The following AK4 variants were observed in gnomAD, a reference collection of about 807,000 sequenced individuals.
AK4 encodes adenylate kinase 4, mitochondrial.
Under a neutral mutation model 24.6 loss-of-function variants are expected in AK4, and 13 were observed. The observed-to-expected ratio is 0.53, with a 90% CI of 0.34 to 0.84. The LOEUF (loss-of-function observed/expected upper bound fraction) is 0.84. Ranked by LOEUF, AK4 falls within the 40% of genes least tolerant of loss-of-function variation. AK4 has a pLI of 0.01. For synonymous variants in AK4, 88 were observed against 107.0 expected (o/e 0.82, Z 1.10); for missense variants, 192 against 288.2 (o/e 0.67, Z 2.42).
intron 1 of AK4, among the ~76,000 whole-genome samples, chr1:65,152,360 CTATATATATA>C (rs1649812696): frequency 7.2e-5 from 2 of 27,938 alleles, no homozygotes; most frequent in East Asian, 1.1e-3. Flanking sequence ...CTCTCTCTCT[CTATATATATA>C]TATATATATA....
At chr1:65,198,731 G>A (rs1354377338) in intron 2 of AK4, among the ~76,000 whole-genome samples, 1 of 150,472 alleles carries the variant, frequency 6.6e-6, no homozygotes, top group Non-Finnish European at 1.5e-5. Flanking sequence ...CATGCCCCAA[G>A]ACAATGTAAA....
chr1:65,169,194 A>AAAAAG (rs1163372246), intron 1 of AK4, among the ~76,000 whole-genome samples: 1 of 150,880 alleles, frequency 6.6e-6, no homozygotes, highest in African/African-American at 2.4e-5. Context: ...AAAAAAAAAG[A>AAAAAG]AAAAGAAAAG....
At chr1:65,158,201 T>G (rs1219217983) in intron 1 of AK4, among the ~76,000 whole-genome samples, 1 of 152,194 alleles carries the variant, frequency 6.6e-6, no homozygotes, top group East Asian at 1.9e-4. Flanking sequence ...AAACTTCGGC[T>G]TTTAACTTCT....
intron 1 of AK4, 23 bp downstream of exon 1, chr1:65,148,575 G>A (rs1403541755): frequency 6.3e-7 from 1 of 1,581,120 alleles, no homozygotes; most frequent in East Asian, 2.3e-5. Flanking sequence ...GGGGACGAGG[G>A]CCGGGGGCGA....
chr1:65,170,032 A>G (rs1004114543), intron 1 of AK4, among the ~76,000 whole-genome samples: 3 of 152,074 alleles, frequency 2.0e-5, no homozygotes, highest in African/African-American at 7.2e-5. Context: ...TCCCACCTCC[A>G]GGATATTTTC....
intron 2 of AK4, among the ~76,000 whole-genome samples, chr1:65,194,980 AT>A (rs1379650901): frequency 6.6e-6 from 1 of 152,042 alleles, no homozygotes; most frequent in Non-Finnish European, 1.5e-5. Flanking sequence ...CTTGGTATCC[AT>A]TTTTTGTCTT....
At chr1:65,181,457 C>T (rs1171673172) in intron 1 of AK4, among the ~76,000 whole-genome samples, 6 of 150,146 alleles carry the variant, frequency 4.0e-5, no homozygotes, top group Admixed American at 2.7e-4. Flanking sequence ...AATGCAATGG[C>T]GCTATCTCAG....
intron 1 of AK4, among the ~76,000 whole-genome samples, chr1:65,176,708 C>A (rs1650728204): frequency 6.6e-6 from 1 of 152,090 alleles, no homozygotes; most frequent in South Asian, 2.1e-4. Flanking sequence ...CTACCTCTCT[C>A]TTGCAGATGA....
upstream of AK4, chr1:65,147,873 G>C (rs1649615025): frequency 6.6e-6 from 1 of 152,228 alleles, no homozygotes; most frequent in Non-Finnish European, 1.5e-5. Context: ...CGTTGCCCAC[G>C]TGCGAGGACC....
At chr1:65,210,477 G>A (rs779280543) in intron 2 of AK4, among the ~76,000 whole-genome samples, 10 of 151,854 alleles carry the variant, frequency 6.6e-5, no homozygotes, top group Admixed American at 1.3e-4. Context: ...CACCCTCCTC[G>A]CCACATACAC....
At chr1:65,187,262 G>A (rs999537854) in intron 1 of AK4, among the ~76,000 whole-genome samples, 3 of 151,100 alleles carry the variant, frequency 2.0e-5, no homozygotes, top group African/African-American at 7.3e-5. Context: ...GCAGGAGAAT[G>A]GTGTGAACCC....
intron 2 of AK4, among the ~76,000 whole-genome samples, chr1:65,192,167 G>A (rs1651326947): frequency 6.6e-6 from 1 of 152,118 alleles, no homozygotes; most frequent in African/African-American, 2.4e-5. Flanking sequence ...AATTTATAAA[G>A]AAAAGAAATT....
chr1:65,212,641 A>G (rs1031305795), intron 2 of AK4, among the ~76,000 whole-genome samples: 1 of 152,052 alleles, frequency 6.6e-6, no homozygotes, highest in Non-Finnish European at 1.5e-5. Context: ...GACGGGCACT[A>G]CCACGCCCAC....
chr1:65,148,328 C>G lies in AK4; in HGVS notation c.-80C>G. ...GCGGAGGGTGCCAGAGGTAGGGGGC[C>G]GAGAAACAAAGTTCCCGGGGCTTCC... is the stretch of plus-strand genomic sequence containing the variant. On this transcript the variant is annotated 5_prime_UTR_variant, in exon 1 of 5. Coordinates refer to ENST00000327299, the MANE Select transcript of AK4 (RefSeq NM_013410.4). 6.8e-7 allele frequency: 1 copy of G among 1,473,276 alleles called. No individual in the cohort carries two copies. The highest frequency in any genetic ancestry group is 9.0e-7 in the Non-Finnish European group (1 of 1,111,516). 91.3% of individuals were successfully genotyped at this position (1,473,276 alleles called of 1,614,324 possible).
At chr1:65,171,411 G>A (rs952979086) in intron 1 of AK4, among the ~76,000 whole-genome samples, 80 of 146,084 alleles carry the variant, frequency 5.5e-4, no homozygotes, top group Middle Eastern at 3.5e-3. Context: ...CTGGTCAAGC[G>A]ATTCTCCTGC....
At chr1:65,204,796 T>C (rs1401583233) in intron 2 of AK4, among the ~76,000 whole-genome samples, 1 of 152,202 alleles carries the variant, frequency 6.6e-6, no homozygotes, top group Non-Finnish European at 1.5e-5. Context: ...CATTAAAAAT[T>C]TATTACAGTT....
At chr1:65,148,660 T>C (rs947894937) in intron 1 of AK4, 108 bp downstream of exon 1, 2 of 1,414,532 alleles carry the variant, frequency 1.4e-6, no homozygotes, top group Middle Eastern at 2.6e-4. Context: ...CGCCCGCGTG[T>C]GGTCGTGCAG....
intron 1 of AK4, 94 bp downstream of exon 1, chr1:65,148,646 C>T: frequency 7.1e-6 from 10 of 1,416,562 alleles, no homozygotes; most frequent in Admixed American, 2.8e-5. Flanking sequence ...CGGCGCCCTT[C>T]CCCCGCCCGC....
chr1:65,198,140 T>C (rs1287380072), intron 2 of AK4, among the ~76,000 whole-genome samples: 1 of 152,238 alleles, frequency 6.6e-6, no homozygotes, highest in Non-Finnish European at 1.5e-5. Flanking sequence ...CATAGCCACA[T>C]AACCCTTCTA....
Sources: gnomAD v4.1 joint callset for allele counts (sites outside exome capture counted in the v4.1 genomes callset) on GRCh38, gnomAD v4.1.1 for gene constraint, MANE v1.5 for transcripts, NCBI Gene and HGNC (gene_info 2026-07-23, HGNC 2026-07-21) for gene names.